Variants in ALX4 observed in about 807,000 individuals in gnomAD.
The protein encoded by ALX4 is homeobox protein aristaless-like 4.
A neutral mutation model predicts 40.6 loss-of-function variants in ALX4; 22 were observed. The observed-to-expected ratio is 0.54, with a 90% confidence interval of 0.39 to 0.77. The LOEUF (loss-of-function observed/expected upper bound fraction) is 0.77, where lower values mean the gene tolerates loss of function less well. Ranked by LOEUF, ALX4 falls within the 30% of genes least tolerant of loss-of-function variation. The pLI is 0.00. For missense variants in ALX4, 556 were observed against 564.8 expected (o/e 0.98, Z 0.16); for synonymous variants, 266 against 240.5 (o/e 1.11, Z -0.98).
chr11:44,265,759 C>T (rs1284873564), intron 3 of ALX4, among the ~76,000 whole-genome samples: 1 of 152,112 alleles, frequency 6.6e-6, no homozygotes, highest in Non-Finnish European at 1.5e-5. Flanking sequence ...GGCTTCAGAA[C>T]TAACTCAGGA....
chr11:44,293,560 CT>C (rs1956385689), intron 1 of ALX4, among the ~76,000 whole-genome samples: 1 of 152,234 alleles, frequency 6.6e-6, no homozygotes, highest in Non-Finnish European at 1.5e-5. Context: ...CGGGATAGAT[CT>C]CCTGAGAGGA....
At chr11:44,285,602 C>A (rs1211592156) in intron 1 of ALX4, among the ~76,000 whole-genome samples, 1 of 152,196 alleles carries the variant, frequency 6.6e-6, no homozygotes, top group Non-Finnish European at 1.5e-5. Flanking sequence ...GTGTCCCCTC[C>A]CACTTCAGAG....
chr11:44,300,812 A>C (rs1425203481), intron 1 of ALX4, among the ~76,000 whole-genome samples: 1 of 152,272 alleles, frequency 6.6e-6, no homozygotes. Context: ...TCAAGAGAGA[A>C]GAAGCCTCAG....
intron 1 of ALX4, among the ~76,000 whole-genome samples, chr11:44,309,180 T>TGCAGCCCCGCAGCCC (rs1956488854): frequency 7.2e-6 from 1 of 138,668 alleles, no homozygotes; most frequent in South Asian, 2.3e-4. Flanking sequence ...CCCCGCAGCC[T>TGCAGCCCCGCAGCCC]CGCAGCCCCG....
At chr11:44,274,092 A>G (rs1025471491) in intron 2 of ALX4, among the ~76,000 whole-genome samples, 6 of 152,204 alleles carry the variant, frequency 3.9e-5, no homozygotes, top group African/African-American at 1.2e-4. Context: ...GTGAGCTATA[A>G]TCATCTTATT....
intron 1 of ALX4, among the ~76,000 whole-genome samples, chr11:44,282,989 A>G (rs1421579448): frequency 6.6e-6 from 1 of 152,202 alleles, no homozygotes. Flanking sequence ...TGCGCCTGTA[A>G]TCTTAGCACT....
chr11:44,265,069 A>G lies in ALX4; in HGVS notation c.1021T>C (p.Ser341Pro). The change falls in exon 4 of 4, where the codon TCT (serine) becomes CCT (proline). Residue 341 changes from serine (S) to proline (P), a missense_variant. Ser to Pro is a moderately conservative substitution (Grantham distance 74). Transcript: ENST00000652299. ...AAGTCGGTGACGCTGCTGGCCCCAG[A>G]GCCAGGGGGGTGGGCATGAGGGGAC... ...CMSPHAHPPG[S>P]GASSVTDFLS... 6.2e-7 allele frequency: 1 copy of G among 1,612,888 alleles called. No individual in the cohort carries two copies. Among genetic ancestry groups the G allele is most frequent in the South Asian group, 1.1e-5 (1 of 91,074 alleles).
At chr11:44,288,502 T>C (rs1048690852) in intron 1 of ALX4, among the ~76,000 whole-genome samples, 1 of 152,234 alleles carries the variant, frequency 6.6e-6, no homozygotes, top group South Asian at 2.1e-4. Context: ...TGTAATCATT[T>C]GAACAGGACC....
chr11:44,275,231 C>T, intron 2 of ALX4, 117 bp downstream of exon 2: 1 of 1,077,620 alleles, frequency 9.3e-7, no homozygotes, highest in South Asian at 1.3e-5. Context: ...TCTCAATGAA[C>T]TGAGGAAAGG....
At chr11:44,293,146 AG>A (rs1956380599) in intron 1 of ALX4, among the ~76,000 whole-genome samples, 3 of 70,318 alleles carry the variant, frequency 4.3e-5, no homozygotes, top group African/African-American at 1.8e-4. Context: ...GAAGGAAGGA[AG>A]GAAGGAAGGA....
intron 1 of ALX4, among the ~76,000 whole-genome samples, chr11:44,287,158 C>T (rs1047196646): frequency 1.3e-5 from 2 of 152,244 alleles, no homozygotes; most frequent in African/African-American, 2.4e-5. Flanking sequence ...TCCGCCCTCA[C>T]ACAGAAGCTC....
chr11:44,269,400 G>C (rs1276013657), intron 2 of ALX4, among the ~76,000 whole-genome samples: 1 of 152,216 alleles, frequency 6.6e-6, no homozygotes, highest in Admixed American at 6.5e-5. Context: ...AGGAAGATGG[G>C]GATGTATCTC....
At chr11:44,265,812 G>C (rs1047659407) in intron 3 of ALX4, among the ~76,000 whole-genome samples, 2 of 152,160 alleles carry the variant, frequency 1.3e-5, no homozygotes, top group African/African-American at 4.8e-5. Flanking sequence ...ATCTGAGACC[G>C]GACCTCCTCG....
At chr11:44,266,074 C>G (rs116529089) in intron 3 of ALX4, among the ~76,000 whole-genome samples, 2 of 151,726 alleles carry the variant, frequency 1.3e-5, no homozygotes, top group African/African-American at 4.8e-5. Flanking sequence ...GGAGCACACT[C>G]GAGGGAGGCA....
intron 2 of ALX4, 149 bp from the exon 3 acceptor site, chr11:44,267,771 T>G: frequency 9.2e-7 from 1 of 1,091,150 alleles, no homozygotes; most frequent in Non-Finnish European, 1.4e-6. Context: ...TCAACCTTGG[T>G]CTTTGTCCTC....
chr11:44,297,888 C>T (rs182994534), intron 1 of ALX4, among the ~76,000 whole-genome samples: 3 of 152,234 alleles, frequency 2.0e-5, no homozygotes, highest in East Asian at 3.9e-4. Flanking sequence ...TCTAGAGGGC[C>T]TCTTTCATCT....
intron 3 of ALX4, among the ~76,000 whole-genome samples, chr11:44,267,260 C>A (rs938105532): frequency 6.6e-6 from 1 of 152,216 alleles, no homozygotes; most frequent in Non-Finnish European, 1.5e-5. Context: ...GCCGTTCTCA[C>A]TGCCCCAACC....
intron 1 of ALX4, among the ~76,000 whole-genome samples, chr11:44,296,202 G>A (rs927241205): frequency 3.3e-5 from 5 of 152,188 alleles, no homozygotes; most frequent in African/African-American, 1.2e-4. Context: ...AAGACCGGTC[G>A]ATGAGAAAAG....
chr11:44,292,921 C>A (rs1179456635), intron 1 of ALX4, among the ~76,000 whole-genome samples: 1 of 151,826 alleles, frequency 6.6e-6, no homozygotes. Flanking sequence ...CACAGTAAGA[C>A]CCCCATCTCT....
Sources: gnomAD v4.1 joint callset for allele counts (sites outside exome capture counted in the v4.1 genomes callset) on GRCh38, gnomAD v4.1.1 for gene constraint, MANE v1.5 for transcripts, NCBI Gene and HGNC (gene_info 2026-07-23, HGNC 2026-07-21) for gene names.